The following KDM6A variants were observed in gnomAD, a reference collection of about 807,000 sequenced individuals.
KDM6A encodes lysine-specific demethylase 6A.
In KDM6A, 11 loss-of-function variants were observed where a neutral mutation model predicts 117.6. The observed-to-expected ratio is 0.09, with a 90% confidence interval of 0.06 to 0.15. The LOEUF (loss-of-function observed/expected upper bound fraction) is 0.15. Ranked by LOEUF, KDM6A falls within the 10% of genes least tolerant of loss-of-function variation. KDM6A has a pLI of 1.00. For missense variants in KDM6A, 799 were observed against 1,077.3 expected (o/e 0.74, Z 3.62); for synonymous variants, 384 against 396.1 (o/e 0.97, Z 0.36).
At chrX:44,981,099 C>G (rs962181995) in intron 4 of KDM6A, among the ~76,000 whole-genome samples, 4 of 111,393 alleles carry the variant, frequency 3.6e-5, no homozygotes, top group Non-Finnish European at 7.5e-5. Context: ...TGGGTTTTCC[C>G]CCTGCATACC....
At chrX:45,076,939 C>A in intron 19 of KDM6A, 113 bp downstream of exon 19, 3 of 705,580 alleles carry the variant, frequency 4.3e-6, no homozygotes, top group Non-Finnish European at 6.5e-6. Context: ...TTATTGGCAG[C>A]AGATTAAATA....
chrX:44,874,019 C>T (rs748473948), intron 2 of KDM6A, 32 bp downstream of exon 2: 2 of 1,177,288 alleles, frequency 1.7e-6, no homozygotes, highest in African/African-American at 1.8e-5. Flanking sequence ...GCGCGGACAC[C>T]GTCTCCCTGG....
At chrX:44,957,999 C>T (rs2038434759) in intron 2 of KDM6A, among the ~76,000 whole-genome samples, 2 of 110,869 alleles carry the variant, frequency 1.8e-5, no homozygotes. Context: ...GCTCAATAAC[C>T]ACATGTGTCT....
In KDM6A at chrX:45,002,743, A is replaced by G. The variant is rs781303234; in HGVS notation, c.385-8218A>G. Among the ~76,000 whole-genome samples the G allele has an allele frequency of 7.5e-3, 825 of 110,596 alleles. 1 individual carries two copies. Among genetic ancestry groups the G allele is most frequent in the Non-Finnish European group, 0.012 (657 of 52,852 alleles). The stretch of plus-strand genomic sequence containing the variant: ...CACGACTTTCACAGACAATTCTTTG[A>G]CATACCTCAACTTTCTGACTTGTTG... On this transcript the variant is annotated intron_variant, in intron 4 of 29. Transcript: ENST00000611820.
chrX:44,919,867 C>T (rs1326890872), intron 2 of KDM6A, among the ~76,000 whole-genome samples: 1 of 111,348 alleles, frequency 9.0e-6, no homozygotes, highest in Non-Finnish European at 1.9e-5. Context: ...GCCTGGGCCT[C>T]CCAAAGTGCT....
intron 2 of KDM6A, among the ~76,000 whole-genome samples, chrX:44,943,462 A>G (rs773643822): frequency 8.1e-5 from 9 of 111,080 alleles, no homozygotes; most frequent in Admixed American, 3.8e-4. Context: ...AAAATTTGCA[A>G]TAAAGTGAAG....
intron 2 of KDM6A, among the ~76,000 whole-genome samples, chrX:44,907,474 T>C (rs1212175888): frequency 1.9e-5 from 2 of 103,483 alleles, no homozygotes; most frequent in Non-Finnish European, 4.0e-5. Flanking sequence ...TGTGTGGTTT[T>C]TTTTTTCTTT....
chrX:45,016,244 A>C (rs2041953536), intron 5 of KDM6A, among the ~76,000 whole-genome samples: 1 of 111,265 alleles, frequency 9.0e-6, no homozygotes, highest in South Asian at 3.7e-4. Flanking sequence ...AAATGTTTCT[A>C]ATTATTTAGA....
chrX:44,960,104 G>T (rs181565829), intron 2 of KDM6A, among the ~76,000 whole-genome samples: 8 of 111,673 alleles, frequency 7.2e-5, no homozygotes, highest in African/African-American at 2.3e-4. Context: ...GAAGGCATTC[G>T]AAGTGAGTAC....
chrX:44,963,440 AGTGTGTGTGTGTGTGTGT>A (rs747821170), intron 3 of KDM6A, among the ~76,000 whole-genome samples: 3 of 69,882 alleles, frequency 4.3e-5, no homozygotes, highest in African/African-American at 5.8e-5. Context: ...AGGGTGACAG[AGTGTGTGTGTGTGTGTGT>A]GTGTGTGTGT....
intron 8 of KDM6A, among the ~76,000 whole-genome samples, chrX:45,041,018 C>A (rs1253859499): frequency 1.3e-5 from 1 of 74,672 alleles, no homozygotes; most frequent in African/African-American, 5.4e-5. Flanking sequence ...ACCTCCCTCC[C>A]GGACGGGGCG....
At chrX:45,015,090 C>CT (rs2041906826) in intron 5 of KDM6A, among the ~76,000 whole-genome samples, 1 of 109,399 alleles carries the variant, frequency 9.1e-6, no homozygotes, top group Non-Finnish European at 1.9e-5. Context: ...CTTCTTTTTT[C>CT]TTTCTTTTCT....
At chrX:45,060,215 T>C (rs2044237506) in intron 13 of KDM6A, 59 bp downstream of exon 13, 1 of 1,200,781 alleles carries the variant, frequency 8.3e-7, no homozygotes, top group South Asian at 1.8e-5. Flanking sequence ...TTCAATTCTC[T>C]AGTGGTCAAG....
chrX:44,897,087 G>GAAGAGTCTTAGCTTT (rs1265403899), intron 2 of KDM6A, among the ~76,000 whole-genome samples: 7 of 107,619 alleles, frequency 6.5e-5, no homozygotes, highest in Non-Finnish European at 1.3e-4. Context: ...GGGACTCTGA[G>GAAGAGTCTTAGCTTT]AAGAGTCTTA....
At chrX:45,051,385 A>G (rs1395648002) in intron 8 of KDM6A, among the ~76,000 whole-genome samples, 1 of 111,692 alleles carries the variant, frequency 9.0e-6, no homozygotes, top group East Asian at 2.8e-4. Context: ...GAGGTAGAAT[A>G]CGTCTAATGT....
chrX:45,004,690 GTC>G (rs1322659969), intron 4 of KDM6A, among the ~76,000 whole-genome samples: 3 of 110,939 alleles, frequency 2.7e-5, no homozygotes, highest in Non-Finnish European at 3.8e-5. Context: ...TTTTATTATT[GTC>G]TCTCTTAGAT....
intron 4 of KDM6A, among the ~76,000 whole-genome samples, chrX:45,002,352 TAA>T (rs1471862017): frequency 8.9e-6 from 1 of 112,032 alleles, no homozygotes; most frequent in African/African-American, 3.2e-5. Flanking sequence ...TAATTTTTGT[TAA>T]AGAGCAGGTT....
At chrX:44,923,702 G>A (rs1237648357) in intron 2 of KDM6A, among the ~76,000 whole-genome samples, 2 of 109,461 alleles carry the variant, frequency 1.8e-5, no homozygotes, top group Non-Finnish European at 3.8e-5. Context: ...GCGCCATCAT[G>A]CTATCATGCC....
chrX:44,939,336 GA>G (rs1197429696), intron 2 of KDM6A, among the ~76,000 whole-genome samples: 2 of 112,324 alleles, frequency 1.8e-5, no homozygotes, highest in African/African-American at 6.5e-5. Flanking sequence ...GGATGACTCT[GA>G]AGGGTTCTAG....
Sources: gnomAD v4.1 joint callset for allele counts (sites outside exome capture counted in the v4.1 genomes callset) on GRCh38, gnomAD v4.1.1 for gene constraint, MANE v1.5 for transcripts, NCBI Gene and HGNC (gene_info 2026-07-23, HGNC 2026-07-21) for gene names.